The following AGMO variants were observed in gnomAD, a reference collection of about 807,000 sequenced individuals.
The protein encoded by AGMO is glyceryl-ether monooxygenase.
In AGMO, 75 loss-of-function variants were observed where a neutral mutation model predicts 60.2. That is an observed-to-expected ratio of 1.25 (90% CI 1.03 to 1.51). The LOEUF is 1.51. Ranked by LOEUF, AGMO falls within the 40% of genes most tolerant of loss-of-function variation. The pLI, the probability that AGMO is intolerant of heterozygous loss-of-function variation, is 0.00. For missense variants in AGMO, 763 were observed against 525.5 expected, an observed-to-expected ratio of 1.45 and a Z score of -4.42; for synonymous variants, 261 against 177.1, an observed-to-expected ratio of 1.47 and a Z score of -3.76.
In AGMO at chr7:15,492,706, T is replaced by G. The variant is rs1049534098; in HGVS notation, c.409+52066A>C. On this transcript the variant is annotated intron_variant, in intron 3 of 12. Transcript: ENST00000342526. Reference sequence around the variant, plus strand: ...TTCACCGTTGTTTCCCCAACACTAATATAGTGCTTGAGACTTAGATGGTAT... The same window carrying G: ...TTCACCGTTGTTTCCCCAACACTAAGATAGTGCTTGAGACTTAGATGGTAT... Among the ~76,000 whole-genome samples, 4 of 152,122 alleles carry G rather than the reference T, an allele frequency of 2.6e-5. No individual in the cohort carries two copies. In the East Asian group the frequency reaches 5.8e-4, roughly 22 times the overall value.
At chr7:15,124,860 G>C in the AGMO span, among the ~76,000 whole-genome samples, 1 of 152,050 alleles carries the variant, frequency 6.6e-6, no homozygotes, top group Non-Finnish European at 1.5e-5. Context: ...AGTCATGGAA[G>C]CACTTAAGTT....
intron 10 of AGMO, among the ~76,000 whole-genome samples, chr7:15,376,102 G>GT (rs555421093): frequency 1.5e-3 from 223 of 152,112 alleles, no homozygotes; most frequent in Non-Finnish European, 2.8e-3. Context: ...GGTAGCTTTT[G>GT]TTAATAGTCT....
At chr7:15,265,025 T>C (rs1053782210) in intron 12 of AGMO, among the ~76,000 whole-genome samples, 1 of 152,034 alleles carries the variant, frequency 6.6e-6, no homozygotes, top group African/African-American at 2.4e-5. Flanking sequence ...AGACATGGAA[T>C]AAACCTATGT....
intron 3 of AGMO, among the ~76,000 whole-genome samples, chr7:15,443,758 T>A (rs1781627431): frequency 6.6e-6 from 1 of 152,166 alleles, no homozygotes; most frequent in Non-Finnish European, 1.5e-5. Context: ...ATACCTGAAC[T>A]AAAATCAGAA....
intron 6 of AGMO, among the ~76,000 whole-genome samples, chr7:15,392,218 G>T (rs557908218): frequency 2.6e-5 from 4 of 151,784 alleles, no homozygotes; most frequent in Admixed American, 2.6e-4. Context: ...CGCAGGTGCC[G>T]GCCACTATAC....
chr7:15,328,056 A>G (rs535981238), intron 12 of AGMO, among the ~76,000 whole-genome samples: 1 of 151,490 alleles, frequency 6.6e-6, no homozygotes, highest in African/African-American at 2.4e-5. Flanking sequence ...GATTGCAGGT[A>G]TGAGACACTG....
At chr7:15,148,008 T>C in the AGMO span, among the ~76,000 whole-genome samples, 2 of 152,286 alleles carry the variant, frequency 1.3e-5, no homozygotes, top group African/African-American at 4.8e-5. Flanking sequence ...CGGCTCAAAC[T>C]AAAGCAAAAC....
rs374936683 is a variant in AGMO, at chr7:15,244,028, G to T, written c.1264-42669C>A. On this transcript the variant is annotated intron_variant, in intron 12 of 12. Coordinates refer to ENST00000342526, the MANE Select transcript of AGMO (RefSeq NM_001004320.2). ...ATCCCTCCACTCTGCTGAGCTAGAA[G>T]TAATTTTGCTCTTTTGTCCTTTCCT... 7.9e-5 allele frequency among the ~76,000 whole-genome samples: 12 copies of T among 152,246 alleles called. 1 individual carries two copies. The East Asian group carries it at 1.7e-3, about 22-fold the overall frequency.
chr7:15,118,644 AGAGAAGTGAT>A, the AGMO span, among the ~76,000 whole-genome samples: 1 of 152,086 alleles, frequency 6.6e-6, no homozygotes, highest in East Asian at 1.9e-4. Flanking sequence ...TTATGAAACC[AGAGAAGTGAT>A]GAGTATAATT....
chr7:15,383,934 AT>A (rs994589302), intron 10 of AGMO, among the ~76,000 whole-genome samples: 22 of 146,336 alleles, frequency 1.5e-4, no homozygotes, highest in East Asian at 8.0e-4. Flanking sequence ...TAGTCCATCT[AT>A]TTTTTTTTTC....
Position 15,494,887 on chromosome 7 carries a change from C to T in AGMO, c.409+49885G>A, listed in dbSNP as rs373863217. 4.8e-4 allele frequency among the ~76,000 whole-genome samples: 73 copies of T among 152,304 alleles called. 1 individual carries two copies. The highest frequency in any genetic ancestry group is 1.7e-3 in the African/African-American group (69 of 41,564). ...CAAAATTCCTTAGGTCTCAGACTTA[C>T]TAAATGCAAGTTTTGCACAAGCATA... On this transcript the variant is annotated intron_variant, in intron 3 of 12. Transcript: ENST00000342526.
chr7:15,130,963 A>G, the AGMO span, among the ~76,000 whole-genome samples: 1 of 152,172 alleles, frequency 6.6e-6, no homozygotes, highest in Admixed American at 6.5e-5. Flanking sequence ...GAATTTTAAA[A>G]GATCAGAATA....
chr7:15,145,521 C>G, the AGMO span, among the ~76,000 whole-genome samples: 4 of 151,766 alleles, frequency 2.6e-5, no homozygotes, highest in South Asian at 8.3e-4. Flanking sequence ...AGAAATATAT[C>G]AAGATATTAA....
intron 10 of AGMO, among the ~76,000 whole-genome samples, chr7:15,370,633 AATG>A (rs1163053454): frequency 1.3e-5 from 2 of 152,174 alleles, no homozygotes; most frequent in East Asian, 3.9e-4. Context: ...GCATTTCTCT[AATG>A]ATTAGTGACG....
At chr7:15,236,038 T>C (rs1242475414) in intron 12 of AGMO, among the ~76,000 whole-genome samples, 1 of 152,124 alleles carries the variant, frequency 6.6e-6, no homozygotes, top group African/African-American at 2.4e-5. Flanking sequence ...CTTCAAATGC[T>C]ATAAAGAAAT....
intron 12 of AGMO, among the ~76,000 whole-genome samples, chr7:15,322,549 TATATATAA>T (rs1227938767): frequency 4.1e-4 from 24 of 58,898 alleles, no homozygotes; most frequent in African/African-American, 1.6e-3. Context: ...TATATATAAA[TATATATAA>T]ATATATAAAT....
chr7:15,194,179 G>A, the AGMO span, among the ~76,000 whole-genome samples: 1 of 151,968 alleles, frequency 6.6e-6, no homozygotes, highest in African/African-American at 2.4e-5. Context: ...TGATGGGATA[G>A]GCTGTTAAAA....
chr7:15,441,296 A>G (rs544286218), intron 3 of AGMO, among the ~76,000 whole-genome samples: 1 of 152,334 alleles, frequency 6.6e-6, no homozygotes, highest in Admixed American at 6.5e-5. Context: ...AATAAAAGTT[A>G]TCAGTACTAC....
intron 3 of AGMO, among the ~76,000 whole-genome samples, chr7:15,541,113 G>GT (rs1219749410): frequency 2.0e-5 from 3 of 151,982 alleles, no homozygotes; most frequent in Admixed American, 1.3e-4. Flanking sequence ...TTGTTTGTTT[G>GT]TTTTTTTGTT....
Sources: allele counts gnomAD v4.1 joint callset (sites outside exome capture counted in the v4.1 genomes callset), GRCh38; gene constraint gnomAD v4.1.1; transcripts MANE v1.5; gene names NCBI Gene and HGNC (gene_info 2026-07-23, HGNC 2026-07-21).